The following NRXN1 variants were observed in gnomAD, a reference collection of about 807,000 sequenced individuals.
The protein encoded by NRXN1 is neurexin 1.
Under a neutral mutation model 150.9 loss-of-function variants are expected in NRXN1, and 39 were observed. The ratio of observed to expected loss-of-function variants is 0.26; its 90% confidence interval spans 0.20 to 0.34. The LOEUF (loss-of-function observed/expected upper bound fraction) is 0.34. NRXN1 is among the 10% of genes least tolerant of loss of function. The pLI is 1.00. For missense variants in NRXN1, 1,815 were observed against 1,949.9 expected (o/e 0.93, Z 1.30); for synonymous variants, 924 against 757.0 (o/e 1.22, Z -3.62).
At position 50,039,313 on chromosome 2, in the gene NRXN1, A is replaced by T. The variant is rs4971641; in HGVS notation, c.4128+13958T>A. Among the ~76,000 whole-genome samples, 92 of 152,226 alleles carry T rather than the reference A, an allele frequency of 6.0e-4. No individual in the cohort carries two copies. In the East Asian group the frequency reaches 0.011, roughly 18 times the overall value. On this transcript the variant is annotated intron_variant, in intron 21 of 22. Coordinates refer to ENST00000401669, the MANE Select transcript of NRXN1 (RefSeq NM_001330078.2). ...AAATCCTGTCTCTACTAAAAATACA[A>T]AAATCAGCTGGGCATGGTGGTGCAC...
chr2:50,829,484 A>G lies in NRXN1; in HGVS notation c.832+92385T>C, dbSNP rs111539315. On this transcript the variant is annotated intron_variant, in intron 5 of 22. Transcript: ENST00000401669. ...CTGACAGCAGGAGGGAGCCTATAATAATGAGAAAGGCGCGAATCAAAAACA... is the reference window on the plus strand; with the variant it reads ...CTGACAGCAGGAGGGAGCCTATAATGATGAGAAAGGCGCGAATCAAAAACA... The G allele has an allele frequency of 1.5e-3, 2,333 of 1,582,778 alleles. 33 individuals carry two copies. The African/African-American group carries it at 0.028, about 19-fold the overall frequency.
intron 5 of NRXN1, among the ~76,000 whole-genome samples, chr2:50,893,068 C>T (rs559910349): frequency 6.6e-6 from 1 of 152,076 alleles, no homozygotes; most frequent in Non-Finnish European, 1.5e-5. Context: ...TGGCTGAGAG[C>T]CTATCAGATC....
At chr2:50,469,605 A>T (rs747032904) in intron 16 of NRXN1, among the ~76,000 whole-genome samples, 1 of 151,494 alleles carries the variant, frequency 6.6e-6, no homozygotes, top group Non-Finnish European at 1.5e-5. Flanking sequence ...ATCCTAAAAA[A>T]TGTGTGAATC....
chr2:50,669,452 T>C (rs1688532087), intron 5 of NRXN1, among the ~76,000 whole-genome samples: 2 of 152,086 alleles, frequency 1.3e-5, no homozygotes, highest in Non-Finnish European at 2.9e-5. Flanking sequence ...TTTTAAACTT[T>C]ACAAGATGCT....
At chr2:50,460,383 A>G (rs1169079494) in intron 17 of NRXN1, among the ~76,000 whole-genome samples, 1 of 152,112 alleles carries the variant, frequency 6.6e-6, no homozygotes, top group Non-Finnish European at 1.5e-5. Flanking sequence ...GGCTGCTGAG[A>G]GTTGAATCAT....
chr2:50,549,872 T>C (rs923142861), intron 9 of NRXN1, among the ~76,000 whole-genome samples: 12 of 152,160 alleles, frequency 7.9e-5, no homozygotes, highest in Admixed American at 7.2e-4. Context: ...TATGTGTATA[T>C]GTGCATGTGT....
chr2:50,376,967 T>A (rs1403346351), intron 17 of NRXN1, among the ~76,000 whole-genome samples: 1 of 152,000 alleles, frequency 6.6e-6, no homozygotes. Context: ...CTTTTCTTTT[T>A]TTTTTTAAAT....
At chr2:50,566,178 TAGAGTTG>T (rs1402274561) in intron 8 of NRXN1, among the ~76,000 whole-genome samples, 3 of 152,162 alleles carry the variant, frequency 2.0e-5, no homozygotes, top group Admixed American at 6.5e-5. Context: ...GACAGTTCAT[TAGAGTTG>T]GCCAGCTACA....
chr2:51,021,274 C>A (rs1669567414), intron 2 of NRXN1, among the ~76,000 whole-genome samples: 1 of 151,870 alleles, frequency 6.6e-6, no homozygotes, highest in African/African-American at 2.4e-5. Flanking sequence ...TAAAATGAAA[C>A]CTGAATATCT....
At chr2:50,527,632 C>T (rs1055237688) in intron 12 of NRXN1, among the ~76,000 whole-genome samples, 5 of 152,112 alleles carry the variant, frequency 3.3e-5, no homozygotes, top group Non-Finnish European at 5.9e-5. Context: ...TGAAACAGTA[C>T]GTATTTTATT....
At chr2:50,915,518 T>G (rs563503915) in intron 5 of NRXN1, among the ~76,000 whole-genome samples, 14 of 151,638 alleles carry the variant, frequency 9.2e-5, no homozygotes, top group Admixed American at 7.9e-4. Context: ...GTGTAAAGAG[T>G]AACAGATATC....
intron 18 of NRXN1, among the ~76,000 whole-genome samples, chr2:50,092,146 C>T (rs1044168764): frequency 9.2e-5 from 14 of 152,156 alleles, no homozygotes; most frequent in Non-Finnish European, 1.3e-4. Context: ...ATTCATTTCC[C>T]TTATTCTTAG....
At chr2:50,718,818 A>T (rs1696214291) in intron 5 of NRXN1, among the ~76,000 whole-genome samples, 1 of 152,012 alleles carries the variant, frequency 6.6e-6, no homozygotes, top group Non-Finnish European at 1.5e-5. Flanking sequence ...TTGACATTTG[A>T]TATTCTTCCT....
rs535836891 is a variant in NRXN1, at chr2:50,210,735, A to G, written c.3546+26054T>C. On this transcript the variant is annotated intron_variant, in intron 18 of 22. Transcript: ENST00000401669. ...CTTTCTGCTGAATACATTTTAAAGCAGTAGTAGAAAATAGATAATGTACTA... is the reference window on the plus strand; with the variant it reads ...CTTTCTGCTGAATACATTTTAAAGCGGTAGTAGAAAATAGATAATGTACTA... Among the ~76,000 whole-genome samples the G allele has an allele frequency of 2.2e-4, 33 of 151,754 alleles. 2 individuals are homozygous for G. The South Asian group carries it at 6.6e-3, about 30-fold the overall frequency.
In NRXN1 at chr2:50,623,351, G is replaced by T. The variant is rs1369505883; in HGVS notation, c.1097C>A (p.Ala366Asp). 1 of 1,613,108 alleles carries T rather than the reference G, an allele frequency of 6.2e-7. No individual in the cohort carries two copies. The highest frequency in any genetic ancestry group is 8.5e-7 in the Non-Finnish European group (1 of 1,179,472). ...CCTGGTGACTTTCACATCATGCCAGGCATTATCATTAAACTTTCCATTCAC... is the reference window on the plus strand; with the variant it reads ...CCTGGTGACTTTCACATCATGCCAGTCATTATCATTAAACTTTCCATTCAC... ...EPVNGKFNDN[A>D]WHDVKVTRNL... Residue 366 changes from alanine (A) to aspartate (D), a missense_variant, in exon 6 of 23, where the codon GCC (alanine) becomes GAC (aspartate). Transcript: ENST00000401669.
chr2:50,091,621 T>C (rs1699589521), intron 18 of NRXN1, 127 bp from the exon 19 acceptor site: 1 of 942,824 alleles, frequency 1.1e-6, no homozygotes, highest in African/African-American at 1.6e-5. Context: ...ATTTTACTTC[T>C]GAAAAACTAC....
At chr2:50,534,726 T>C (rs2093209313) in intron 10 of NRXN1, among the ~76,000 whole-genome samples, 1 of 152,176 alleles carries the variant, frequency 6.6e-6, no homozygotes, top group Non-Finnish European at 1.5e-5. Context: ...ATCAAAACAG[T>C]GTTTGTTTTC....
chr2:50,949,816 G>A (rs1051538176), intron 2 of NRXN1, among the ~76,000 whole-genome samples: 33 of 152,048 alleles, frequency 2.2e-4, no homozygotes, highest in African/African-American at 4.8e-5. Context: ...GTATTTCATG[G>A]GTTAGATATT....
At chr2:50,973,124 T>A (rs990256313) in intron 2 of NRXN1, among the ~76,000 whole-genome samples, 1 of 152,144 alleles carries the variant, frequency 6.6e-6, no homozygotes, top group African/African-American at 2.4e-5. Context: ...TGCACAGAGT[T>A]AGCTATAGAA....
Sources: gnomAD v4.1 joint callset for allele counts (sites outside exome capture counted in the v4.1 genomes callset) on GRCh38, gnomAD v4.1.1 for gene constraint, MANE v1.5 for transcripts, NCBI Gene and HGNC (gene_info 2026-07-23, HGNC 2026-07-21) for gene names.